Variants in NUBPL observed in about 807,000 individuals in gnomAD.
NUBPL encodes iron-sulfur cluster transfer protein NUBPL.
NUBPL carries 31 observed loss-of-function variants against 45.7 expected under a neutral mutation model. The ratio of observed to expected loss-of-function variants is 0.68; its 90% CI spans 0.51 to 0.92. The LOEUF is 0.92. Ranked by LOEUF, NUBPL falls within the 40% of genes least tolerant of loss-of-function variation. NUBPL has a pLI of 0.00. For synonymous variants in NUBPL, 144 were observed against 140.9 expected (o/e 1.02, Z -0.15); for missense variants, 401 against 398.7 (o/e 1.01, Z -0.05).
intron 6 of NUBPL, among the ~76,000 whole-genome samples, chr14:31,737,765 C>T (rs2038195189): frequency 6.6e-6 from 1 of 152,142 alleles, no homozygotes; most frequent in African/African-American, 2.4e-5. Context: ...GCCTGGGTGA[C>T]AGAGCAAGAC....
rs1201379330 is a variant in NUBPL, at chr14:31,625,035, C to T, written c.382+25656C>T. The stretch of plus-strand genomic sequence containing the variant: ...AGGTTGAGAAACCATGATTAGACAA[C>T]ATAACCCAAAAGAGTTTTAGAGGGA... On this transcript the variant is annotated intron_variant, in intron 4 of 10. Transcript: ENST00000281081. 2.6e-5 allele frequency among the ~76,000 whole-genome samples: 4 copies of T among 152,220 alleles called. No homozygotes were observed. In the East Asian group the frequency reaches 5.8e-4, roughly 22 times the overall value.
chr14:31,783,058 C>G (rs766874139), intron 6 of NUBPL, among the ~76,000 whole-genome samples: 10 of 152,104 alleles, frequency 6.6e-5, no homozygotes, highest in Non-Finnish European at 1.3e-4. Context: ...CACCAGAGCA[C>G]CAGGATTTTA....
intron 6 of NUBPL, among the ~76,000 whole-genome samples, chr14:31,696,793 T>A (rs1029176388): frequency 5.3e-5 from 8 of 152,188 alleles, no homozygotes; most frequent in African/African-American, 1.9e-4. Context: ...CTTCAGAACA[T>A]AGAATTGGGG....
chr14:31,744,617 CTTTTTTT>C (rs34367142), intron 6 of NUBPL, among the ~76,000 whole-genome samples: 8 of 103,908 alleles, frequency 7.7e-5, no homozygotes, highest in Admixed American at 4.2e-4. Context: ...TTTGTAGAAT[CTTTTTTT>C]TTTTTTTTTT....
At chr14:31,829,315 A>AT (rs1270307981) in intron 8 of NUBPL, among the ~76,000 whole-genome samples, 1 of 151,424 alleles carries the variant, frequency 6.6e-6, no homozygotes, top group African/African-American at 2.4e-5. Context: ...AACTACAAAC[A>AT]TTTTTTAAAA....
intron 7 of NUBPL, among the ~76,000 whole-genome samples, chr14:31,812,033 G>A (rs2039815849): frequency 6.6e-6 from 1 of 152,140 alleles, no homozygotes; most frequent in African/African-American, 2.4e-5. Context: ...AGGGGCACCT[G>A]GCTGTATGAG....
In NUBPL at chr14:31,809,530, G is replaced by A. The variant is rs990786063; in HGVS notation, c.608-17099G>A. ...CTTTTCTTCTTTATTAGTCTTGCTA[G>A]CAGTCTGTCAATTTTGTTGATCTTT... is the stretch of plus-strand genomic sequence containing the variant. On this transcript the variant is annotated intron_variant, in intron 7 of 10. Coordinates refer to ENST00000281081, the MANE Select transcript of NUBPL (RefSeq NM_025152.3). Among the ~76,000 whole-genome samples, 4 of 151,996 alleles carry A rather than the reference G, an allele frequency of 2.6e-5. No individual in the cohort carries two copies. In the East Asian group the frequency reaches 7.7e-4, roughly 29 times the overall value.
At chr14:31,758,226 G>A (rs1006307391) in intron 6 of NUBPL, among the ~76,000 whole-genome samples, 26 of 152,028 alleles carry the variant, frequency 1.7e-4, no homozygotes, top group African/African-American at 6.3e-4. Context: ...CAAGTACTTG[G>A]CAAATATGGT....
rs568528619 is a variant in NUBPL at position 31,860,388 on chromosome 14, C to T, written c.*1208C>T. 1.3e-5 allele frequency: 2 copies of T among 151,540 alleles called. No homozygotes were observed. The highest frequency in any genetic ancestry group is 1.3e-4 in the Admixed American group (2 of 15,204). The allele number at this position is 151,540 out of a possible 1,614,324, so 9.4% of individuals were successfully genotyped here. On this transcript the variant is annotated 3_prime_UTR_variant, in exon 11 of 11. Transcript: ENST00000281081. ...CTTTTTTTGGCCATGAAATCCACCA[C>T]CCCCCTCCTTTTTCAGAGCATTTCA... is the stretch of plus-strand genomic sequence containing the variant.
chr14:31,786,212 T>G (rs2039280969), intron 6 of NUBPL, among the ~76,000 whole-genome samples: 1 of 152,126 alleles, frequency 6.6e-6, no homozygotes, highest in Non-Finnish European at 1.5e-5. Flanking sequence ...AAAGGACATA[T>G]TACATGTTAT....
At chr14:31,832,326 A>C (rs576159273) in intron 8 of NUBPL, among the ~76,000 whole-genome samples, 21 of 152,342 alleles carry the variant, frequency 1.4e-4, no homozygotes, top group African/African-American at 5.1e-4. Context: ...TGACATTTTG[A>C]AGGAAGAGTT....
intron 6 of NUBPL, among the ~76,000 whole-genome samples, chr14:31,675,364 G>A (rs2036669195): frequency 6.6e-6 from 1 of 152,044 alleles, no homozygotes; most frequent in East Asian, 1.9e-4. Context: ...GCCTACACTG[G>A]GACTAATGCT....
At chr14:31,629,728 T>G (rs571973505) in intron 4 of NUBPL, among the ~76,000 whole-genome samples, 10 of 152,150 alleles carry the variant, frequency 6.6e-5, no homozygotes, top group Non-Finnish European at 1.3e-4. Context: ...AAATTAGACC[T>G]TTATAAAAAT....
At chr14:31,809,704 AT>A (rs1301076885) in intron 7 of NUBPL, among the ~76,000 whole-genome samples, 1 of 152,020 alleles carries the variant, frequency 6.6e-6, no homozygotes, top group African/African-American at 2.4e-5. Flanking sequence ...TTTAATCGTG[AT>A]GTTAGGGTGT....
intron 7 of NUBPL, among the ~76,000 whole-genome samples, chr14:31,799,717 G>A (rs1475911200): frequency 6.6e-6 from 1 of 152,144 alleles, no homozygotes; most frequent in Non-Finnish European, 1.5e-5. Flanking sequence ...GCCTTTATCA[G>A]GTCATGCTCT....
At chr14:31,813,947 C>T (rs544824308) in intron 7 of NUBPL, among the ~76,000 whole-genome samples, 5 of 152,248 alleles carry the variant, frequency 3.3e-5, no homozygotes, top group South Asian at 2.1e-4. Flanking sequence ...ATGGGCATTT[C>T]GGTTGGTTCC....
At chr14:31,677,072 T>C (rs1006190689) in intron 6 of NUBPL, among the ~76,000 whole-genome samples, 2 of 152,162 alleles carry the variant, frequency 1.3e-5, no homozygotes, top group African/African-American at 4.8e-5. Context: ...AGTAGATTAG[T>C]ATATTTATGG....
At chr14:31,800,024 G>A (rs183721024) in intron 7 of NUBPL, among the ~76,000 whole-genome samples, 1 of 152,316 alleles carries the variant, frequency 6.6e-6, no homozygotes, top group East Asian at 1.9e-4. Flanking sequence ...AGTGTTCACA[G>A]TATCATCACC....
chr14:31,720,399 T>G (rs896409413), intron 6 of NUBPL, among the ~76,000 whole-genome samples: 4 of 152,236 alleles, frequency 2.6e-5, no homozygotes, highest in Admixed American at 2.6e-4. Context: ...AAGTCTTTGA[T>G]ATTTTTTCAT....
Sources: gnomAD v4.1 joint callset for allele counts (sites outside exome capture counted in the v4.1 genomes callset) on GRCh38, gnomAD v4.1.1 for gene constraint, MANE v1.5 for transcripts, NCBI Gene and HGNC (gene_info 2026-07-23, HGNC 2026-07-21) for gene names.